Variants in RDX observed in about 807,000 individuals in gnomAD.
RDX encodes deafness, autosomal recessive 24.
RDX carries 32 observed loss-of-function variants against 83.7 expected under a neutral mutation model. The observed-to-expected ratio is 0.38, with a 90% CI of 0.29 to 0.51. The LOEUF is 0.51. Among genes scored for constraint, RDX ranks in the 20% least tolerant of loss-of-function variants. The pLI is 0.87. For synonymous variants in RDX, 229 were observed against 222.7 expected (o/e 1.03, Z -0.25); for missense variants, 600 against 689.9 (o/e 0.87, Z 1.46).
downstream of RDX, among the ~76,000 whole-genome samples, chr11:110,228,490 G>A (rs771137326): frequency 6.6e-6 from 1 of 151,878 alleles, no homozygotes; most frequent in Non-Finnish European, 1.5e-5. Flanking sequence ...CTTACTAATG[G>A]TATCTAAGCT....
chr11:110,236,503 G>C, intron 11 of RDX: 1 of 288,736 alleles, frequency 3.5e-6, no homozygotes, highest in Non-Finnish European at 6.5e-6. Flanking sequence ...ATTTGTTAAA[G>C]TCCACAAAAG....
chr11:110,222,612 C>A (rs955154224), intron 14 of RDX, among the ~76,000 whole-genome samples: 51 of 152,172 alleles, frequency 3.4e-4, no homozygotes, highest in African/African-American at 1.2e-3. Context: ...CCGGCTAACA[C>A]GGTAAAACCT....
At chr11:110,245,038 C>T (rs1190295035) in intron 10 of RDX, among the ~76,000 whole-genome samples, 6 of 150,264 alleles carry the variant, frequency 4.0e-5, no homozygotes. Context: ...AGTCTTGGCT[C>T]ACTGCCAACT....
chr11:110,253,818 C>G lies in RDX; in HGVS notation c.959+128G>C, dbSNP rs1039942967. 10 of 821,638 alleles carry G rather than the reference C, an allele frequency of 1.2e-5. No individual in the cohort carries two copies. In the African/African-American group the frequency reaches 1.7e-4, roughly 14 times the overall value. The allele number at this position is 821,638 out of a possible 1,614,324, so 50.9% of individuals were successfully genotyped here. A position where few individuals can be genotyped will look rare whatever the true frequency, so the allele number is the denominator to read the frequency against. On this transcript the variant is annotated intron_variant, in intron 9 of 13. Coordinates refer to ENST00000645495, the MANE Select transcript of RDX (RefSeq NM_002906.4). ...TTAAAGGACAGAGTGATAATACTGT[C>G]TTTGAATTTTAATATAATGAAAATA...
chr11:110,272,500 G>A (rs759415787), intron 3 of RDX, 36 bp downstream of exon 3: 6 of 1,270,876 alleles, frequency 4.7e-6, no homozygotes. Flanking sequence ...TTCACACTAT[G>A]GTGTCAAAAG....
intron 15 of RDX, among the ~76,000 whole-genome samples, chr11:110,190,083 CA>C (rs200334447): frequency 3.4e-5 from 5 of 149,148 alleles, no homozygotes; most frequent in Admixed American, 1.3e-4. Context: ...AACTCCATCT[CA>C]AAAAAAAAAT....
intron 11 of RDX, 96 bp downstream of exon 11, chr11:110,237,396 G>C (rs1864898935): frequency 8.2e-7 from 1 of 1,218,140 alleles, no homozygotes; most frequent in Admixed American, 2.5e-5. Flanking sequence ...TTGCTCTCCA[G>C]AAAGCACAAA....
downstream of RDX, among the ~76,000 whole-genome samples, chr11:110,225,905 A>G (rs941837453): frequency 6.6e-5 from 10 of 151,778 alleles, no homozygotes; most frequent in Admixed American, 3.9e-4. Flanking sequence ...AGAAGAAGAA[A>G]AAAATACAAA....
At chr11:110,271,177 A>C (rs1283587444) in intron 3 of RDX, among the ~76,000 whole-genome samples, 5 of 152,236 alleles carry the variant, frequency 3.3e-5, no homozygotes, top group Admixed American at 1.3e-4. Flanking sequence ...AAATCAGGAG[A>C]TTAAGTATAT....
intron 15 of RDX, among the ~76,000 whole-genome samples, chr11:110,190,111 A>G (rs1200123500): frequency 6.6e-6 from 1 of 152,184 alleles, no homozygotes; most frequent in African/African-American, 2.4e-5. Flanking sequence ...GAATACATGA[A>G]AACAGAGACA....
chr11:110,273,551 A>G (rs953803045), intron 2 of RDX, among the ~76,000 whole-genome samples: 2 of 152,242 alleles, frequency 1.3e-5, no homozygotes, highest in African/African-American at 4.8e-5. Flanking sequence ...AGTAGCTAGG[A>G]GCACAGGCGT....
At chr11:110,295,942 C>A (rs1266071753) in intron 1 of RDX, among the ~76,000 whole-genome samples, 4 of 152,242 alleles carry the variant, frequency 2.6e-5, no homozygotes, top group East Asian at 1.9e-4. Flanking sequence ...GGGCGGAACG[C>A]ACGCTCTCTA....
chr11:110,216,673 G>A (rs1291680759), intron 14 of RDX, among the ~76,000 whole-genome samples: 2 of 150,788 alleles, frequency 1.3e-5, no homozygotes, highest in Non-Finnish European at 3.0e-5. Context: ...CCACCACACT[G>A]GGCCCTAATT....
chr11:110,273,347 T>C (rs932539869), intron 2 of RDX, among the ~76,000 whole-genome samples: 13 of 152,266 alleles, frequency 8.5e-5, no homozygotes, highest in African/African-American at 2.7e-4. Context: ...ATACTGTAAA[T>C]ACATTATTCG....
intron 2 of RDX, among the ~76,000 whole-genome samples, chr11:110,276,992 A>G (rs1860542652): frequency 6.6e-6 from 1 of 152,206 alleles, no homozygotes; most frequent in Non-Finnish European, 1.5e-5. Flanking sequence ...TTATAATGAC[A>G]TATGCACATA....
chr11:110,287,503 T>C (rs549565966), intron 1 of RDX, among the ~76,000 whole-genome samples: 5 of 152,302 alleles, frequency 3.3e-5, no homozygotes, highest in African/African-American at 1.2e-4. Flanking sequence ...ACCTTTAATA[T>C]ACAAAGAACT....
intron 9 of RDX, among the ~76,000 whole-genome samples, chr11:110,249,857 A>C (rs1311258435): frequency 6.6e-6 from 1 of 152,124 alleles, no homozygotes; most frequent in Non-Finnish European, 1.5e-5. Flanking sequence ...CTGGCAGGCA[A>C]CTGAGCAAGA....
At chr11:110,218,710 TA>T (rs1864144079) in intron 14 of RDX, among the ~76,000 whole-genome samples, 1 of 152,220 alleles carries the variant, frequency 6.6e-6, no homozygotes, top group Non-Finnish European at 1.5e-5. Context: ...TGACTCGATA[TA>T]TTTGCATATG....
intron 1 of RDX, among the ~76,000 whole-genome samples, chr11:110,285,106 T>C (rs541184978): frequency 1.2e-3 from 178 of 152,216 alleles, no homozygotes; most frequent in Non-Finnish European, 2.2e-3. Context: ...GAGAATATTG[T>C]TGCCGGGCAC....
Sources: allele counts gnomAD v4.1 joint callset (sites outside exome capture counted in the v4.1 genomes callset), GRCh38; gene constraint gnomAD v4.1.1; transcripts MANE v1.5; gene names NCBI Gene and HGNC (gene_info 2026-07-23, HGNC 2026-07-21).